NXPE4: variants seen among roughly 807,000 people sequenced by gnomAD.
NXPE4 encodes the protein neurexophilin and PC-esterase domain family member 4.
NXPE4 carries 42 observed loss-of-function variants against 33.3 expected under a neutral mutation model. That is an observed-to-expected ratio of 1.26 (90% CI 0.98 to 1.63). NXPE4 has a LOEUF of 1.63. Ranked by LOEUF, NXPE4 falls within the 40% of genes most tolerant of loss-of-function variation. The pLI is 0.00. For synonymous variants in NXPE4, 253 were observed against 234.9 expected (o/e 1.08, Z -0.71); for missense variants, 709 against 647.6 (o/e 1.09, Z -1.03).
At chr11:114,572,659 C>A (rs1452614972) in intron 5 of NXPE4, among the ~76,000 whole-genome samples, 1 of 152,050 alleles carries the variant, frequency 6.6e-6, no homozygotes, top group African/African-American at 2.4e-5. Context: ...CTCAATCCAT[C>A]AAAGACAAAA....
chr11:114,589,862 A>G (rs1262174182), intron 2 of NXPE4, among the ~76,000 whole-genome samples: 3 of 152,184 alleles, frequency 2.0e-5, no homozygotes, highest in Non-Finnish European at 4.4e-5. Flanking sequence ...CAAAAACCCA[A>G]TGCAGAATGG....
the NXPE4 span, among the ~76,000 whole-genome samples, chr11:114,607,036 G>A: frequency 6.6e-6 from 1 of 151,588 alleles, no homozygotes; most frequent in African/African-American, 2.4e-5. Flanking sequence ...GTTACCCAGT[G>A]GATAATAAGT....
At chr11:114,584,271 A>G in intron 2 of NXPE4, 2 of 500,958 alleles carry the variant, frequency 4.0e-6, no homozygotes, top group Admixed American at 2.2e-5. Context: ...ACTTTGGACC[A>G]TATTTCAAGC....
chr11:114,630,956 A>C, the NXPE4 span, among the ~76,000 whole-genome samples: 15 of 151,172 alleles, frequency 9.9e-5, no homozygotes, highest in African/African-American at 3.4e-4. Context: ...GAGAAATGCA[A>C]ATCAAAACCA....
the NXPE4 span, among the ~76,000 whole-genome samples, chr11:114,636,559 T>A: frequency 6.6e-6 from 1 of 151,620 alleles, no homozygotes; most frequent in South Asian, 2.1e-4. Flanking sequence ...GATGTTAGGG[T>A]GTCAATTTTG....
the NXPE4 span, among the ~76,000 whole-genome samples, chr11:114,607,050 G>A: frequency 6.6e-6 from 1 of 151,958 alleles, no homozygotes; most frequent in African/African-American, 2.4e-5. Flanking sequence ...AATAAGTATT[G>A]CCTCGTGGGT....
chr11:114,586,463 C>G (rs114629784), intron 2 of NXPE4, among the ~76,000 whole-genome samples: 1,894 of 152,282 alleles, frequency 0.012, 38 homozygotes, highest in African/African-American at 0.043. Context: ...AAATACTGGG[C>G]CCCCAATCAG....
At chr11:114,656,833 C>T in the NXPE4 span, among the ~76,000 whole-genome samples, 1 of 152,060 alleles carries the variant, frequency 6.6e-6, no homozygotes, top group Non-Finnish European at 1.5e-5. Flanking sequence ...AAATTACTGC[C>T]TGTAATCCCA....
chr11:114,666,147 C>A, the NXPE4 span, among the ~76,000 whole-genome samples: 1 of 152,142 alleles, frequency 6.6e-6, no homozygotes, highest in South Asian at 2.1e-4. Context: ...TTTCCACTGA[C>A]CTTCTCCTTC....
chr11:114,605,805 T>A, the NXPE4 span, among the ~76,000 whole-genome samples: 2 of 150,856 alleles, frequency 1.3e-5, no homozygotes, highest in Non-Finnish European at 3.0e-5. Flanking sequence ...CCTCTAGGGT[T>A]ACCACTGTTA....
chr11:114,649,805 T>C, the NXPE4 span, among the ~76,000 whole-genome samples: 1 of 152,186 alleles, frequency 6.6e-6, no homozygotes, highest in Non-Finnish European at 1.5e-5. Context: ...TGGGCTAATA[T>C]TTACCAACCA....
chr11:114,650,660 T>C, the NXPE4 span, among the ~76,000 whole-genome samples: 3 of 152,200 alleles, frequency 2.0e-5, no homozygotes, highest in Non-Finnish European at 2.9e-5. Context: ...GGACCCAGGA[T>C]ATATGCTGAT....
the NXPE4 span, among the ~76,000 whole-genome samples, chr11:114,658,675 T>C: frequency 6.6e-6 from 1 of 152,104 alleles, no homozygotes; most frequent in Non-Finnish European, 1.5e-5. Flanking sequence ...GTGAACTTCT[T>C]GAGGAAGGGC....
At chr11:114,605,334 T>C in the NXPE4 span, among the ~76,000 whole-genome samples, 1 of 151,940 alleles carries the variant, frequency 6.6e-6, no homozygotes, top group Non-Finnish European at 1.5e-5. Context: ...GGATAATAAG[T>C]ATTGCCTCGT....
the NXPE4 span, among the ~76,000 whole-genome samples, chr11:114,663,563 CTCTA>C: frequency 1.3e-5 from 2 of 151,234 alleles, no homozygotes; most frequent in African/African-American, 2.5e-5. Context: ...TCCTGTCTAT[CTCTA>C]TCTATCATCT....
chr11:114,654,943 T>A, the NXPE4 span, among the ~76,000 whole-genome samples: 1 of 152,196 alleles, frequency 6.6e-6, no homozygotes, highest in Non-Finnish European at 1.5e-5. Flanking sequence ...ACCAACAGTG[T>A]AAAAGCATTC....
At chr11:114,668,962 C>T in the NXPE4 span, among the ~76,000 whole-genome samples, 1 of 152,066 alleles carries the variant, frequency 6.6e-6, no homozygotes, top group Non-Finnish European at 1.5e-5. Flanking sequence ...GTGATTTTAA[C>T]TTGGGGCTGC....
chr11:114,670,936 A>G, the NXPE4 span, among the ~76,000 whole-genome samples: 1 of 151,654 alleles, frequency 6.6e-6, no homozygotes, highest in Non-Finnish European at 1.5e-5. Context: ...CAAGATAGCC[A>G]ATATAAATAT....
At chr11:114,641,879 C>T in the NXPE4 span, among the ~76,000 whole-genome samples, 1 of 152,034 alleles carries the variant, frequency 6.6e-6, no homozygotes, top group Non-Finnish European at 1.5e-5. Flanking sequence ...GGATACACAT[C>T]TGAATTGGTG....
Sources: gnomAD v4.1 joint callset for allele counts (sites outside exome capture counted in the v4.1 genomes callset) on GRCh38, gnomAD v4.1.1 for gene constraint, MANE v1.5 for transcripts, NCBI Gene and HGNC (gene_info 2026-07-23, HGNC 2026-07-21) for gene names.